Variants in EVC observed in about 807,000 individuals in gnomAD.
EVC encodes evC complex member EVC.
EVC carries 116 observed loss-of-function variants against 118.9 expected under a neutral mutation model. The ratio of observed to expected loss-of-function variants is 0.98; its 90% CI spans 0.84 to 1.14. EVC has a LOEUF of 1.14. Ranked by LOEUF, EVC falls within the 50% of genes most tolerant of loss-of-function variation. The pLI, the probability that EVC is intolerant of heterozygous loss-of-function variation, is 0.00. For missense variants in EVC, 1,401 were observed against 1,246.4 expected, an observed-to-expected ratio of 1.12 and a Z score of -1.87; for synonymous variants, 619 against 534.7, an observed-to-expected ratio of 1.16 and a Z score of -2.18.
At chr4:5,725,300 C>T (rs1725631090) in intron 2 of EVC, among the ~76,000 whole-genome samples, 1 of 152,234 alleles carries the variant, frequency 6.6e-6, no homozygotes, top group Non-Finnish European at 1.5e-5. Context: ...AATCGCCACA[C>T]TGTCTTCCAC....
chr4:5,778,496 A>T (rs1735071108), intron 11 of EVC, among the ~76,000 whole-genome samples: 1 of 151,788 alleles, frequency 6.6e-6, no homozygotes, highest in African/African-American at 2.4e-5. Context: ...CCTCTCCAGC[A>T]CCTGTTGTTT....
intron 11 of EVC, among the ~76,000 whole-genome samples, chr4:5,762,730 C>T (rs1169164442): frequency 2.5e-5 from 3 of 121,962 alleles, no homozygotes; most frequent in Non-Finnish European, 5.1e-5. Context: ...ATGTCCTTTG[C>T]CCACTTTTTG....
chr4:5,784,122 C>T (rs988193988), intron 12 of EVC, among the ~76,000 whole-genome samples: 1 of 152,130 alleles, frequency 6.6e-6, no homozygotes, highest in Non-Finnish European at 1.5e-5. Flanking sequence ...TCCTGTTTTT[C>T]AGTGAGTCTG....
intron 3 of EVC, among the ~76,000 whole-genome samples, chr4:5,730,266 G>A (rs1340077634): frequency 6.6e-6 from 1 of 152,182 alleles, no homozygotes; most frequent in African/African-American, 2.4e-5. Context: ...CAACATGTTA[G>A]GATCTTGTCA....
the EVC span, among the ~76,000 whole-genome samples, chr4:5,823,179 T>C: frequency 6.6e-6 from 1 of 152,210 alleles, no homozygotes; most frequent in Non-Finnish European, 1.5e-5. Context: ...TGGCCTCATT[T>C]CCTTTTCTGC....
At chr4:5,807,945 C>T in intron 17 of EVC, among the ~76,000 whole-genome samples, 1 of 152,212 alleles carries the variant, frequency 6.6e-6, no homozygotes, top group South Asian at 2.1e-4. Context: ...TCATGAAGCT[C>T]CTCCGAAGAT....
Position 5,798,961 on chromosome 4 carries a change from C to T in EVC, c.2304+169C>T, listed in dbSNP as rs955649841. 3.3e-5 allele frequency among the ~76,000 whole-genome samples: 5 copies of T among 152,210 alleles called. No homozygotes were observed. The highest frequency in any genetic ancestry group is 7.3e-5 in the Non-Finnish European group (5 of 68,038). ...TCATCTGTAAGGTGGGATCTTCTCC[C>T]TCGCAGAATGGGGAGGGGCAGTCGC... On this transcript the variant is annotated intron_variant, in intron 15 of 20. Transcript: ENST00000264956. The surrounding 1 kb of genome is among the most constrained non-coding windows in gnomAD (Gnocchi z 4.1).
chr4:5,730,549 C>G (rs1473592499), intron 3 of EVC, among the ~76,000 whole-genome samples: 1 of 151,988 alleles, frequency 6.6e-6, no homozygotes, highest in Non-Finnish European at 1.5e-5. Flanking sequence ...GGGGATCACG[C>G]CATAGTCAGC....
intron 19 of EVC, among the ~76,000 whole-genome samples, chr4:5,810,074 T>C (rs1394412647): frequency 6.6e-6 from 1 of 152,026 alleles, no homozygotes; most frequent in South Asian, 2.1e-4. Flanking sequence ...CTGGGTAGAG[T>C]GGATACCCAG....
chr4:5,735,755 G>GC (rs143280226), intron 5 of EVC, among the ~76,000 whole-genome samples: 6,286 of 152,242 alleles, frequency 0.041, 174 homozygotes, highest in Middle Eastern at 0.071. Flanking sequence ...TGAGTGAAAG[G>GC]CCCCTGCATG....
At chr4:5,805,368 T>C (rs1026564899) in intron 17 of EVC, among the ~76,000 whole-genome samples, 9 of 152,148 alleles carry the variant, frequency 5.9e-5, no homozygotes, top group African/African-American at 2.2e-4. Flanking sequence ...TCTCCTGGCT[T>C]CTCTGTGCCT....
At chr4:5,788,146 T>G (rs1335914417) in intron 12 of EVC, among the ~76,000 whole-genome samples, 1 of 152,144 alleles carries the variant, frequency 6.6e-6, no homozygotes, top group Non-Finnish European at 1.5e-5. Flanking sequence ...CCACCTGTAT[T>G]AGTTTTCTAA....
In EVC at chr4:5,766,370, C is replaced by G. The variant is rs377745226; in HGVS notation, c.1563+10008C>G. ...TTCATTTCAACTTTGGTGAATCTGA[C>G]AATTATGTGTCTTGGAGTTGCTCTT... On this transcript the variant is annotated intron_variant, in intron 11 of 20. Coordinates refer to ENST00000264956, the MANE Select transcript of EVC (RefSeq NM_153717.3). Among the ~76,000 whole-genome samples the G allele has an allele frequency of 4.3e-5, 6 of 140,868 alleles. No individual in the cohort carries two copies. In the East Asian group the frequency reaches 1.3e-3, roughly 30 times the overall value. 92.4% of individuals were successfully genotyped at this position (140,868 alleles called of 152,430 possible).
In EVC at chr4:5,731,533, A is replaced by C. The variant is rs1259803475; in HGVS notation, c.493A>C (p.Ser165Arg). ...ASPSSSLGSL[S>R]QGEKDDCSSS... ...TCCTTCCAGCAGTCTGGGGAGCCTG[A>C]GCCAGGGTGAGAAGGACGACTGCAG... Residue 165 changes from serine to arginine, a missense_variant, in exon 4 of 21, where the codon AGC (serine) becomes CGC (arginine). Physicochemically the swap from Ser to Arg is moderately radical, Grantham distance 110. Transcript: ENST00000264956. This position sits in a 1 kb window ranked among gnomAD's most constrained non-coding sequence, Gnocchi z 5.6. 5.0e-6 allele frequency: 8 copies of C among 1,614,084 alleles called. No individual in the cohort carries two copies. The highest frequency in any genetic ancestry group is 6.8e-6 in the Non-Finnish European group (8 of 1,180,000).
At chr4:5,788,612 G>C (rs760891243) in intron 12 of EVC, among the ~76,000 whole-genome samples, 1 of 152,098 alleles carries the variant, frequency 6.6e-6, no homozygotes, top group Non-Finnish European at 1.5e-5. Flanking sequence ...GGTCATCCTC[G>C]ACTCCTCTTT....
At chr4:5,753,736 T>C (rs1730747869) in intron 9 of EVC, 49 bp from the exon 10 acceptor site, 1 of 1,613,528 alleles carries the variant, frequency 6.2e-7, no homozygotes, top group South Asian at 1.1e-5. Context: ...CCCACTGAAA[T>C]TCTGGCTCAC....
At chr4:5,717,556 A>C (rs1333982981) in intron 1 of EVC, among the ~76,000 whole-genome samples, 1 of 152,106 alleles carries the variant, frequency 6.6e-6, no homozygotes, top group African/African-American at 2.4e-5. Flanking sequence ...GGACCCTTGT[A>C]CTGGTCTGCT....
At chr4:5,718,871 T>C (rs1252197649) in intron 1 of EVC, among the ~76,000 whole-genome samples, 1 of 152,228 alleles carries the variant, frequency 6.6e-6, no homozygotes, top group Non-Finnish European at 1.5e-5. Flanking sequence ...ATTATATGCA[T>C]GTGCCATTTC....
intron 11 of EVC, among the ~76,000 whole-genome samples, chr4:5,761,089 C>T (rs1040816953): frequency 1.3e-5 from 2 of 152,162 alleles, no homozygotes; most frequent in Non-Finnish European, 2.9e-5. Flanking sequence ...CCTGGCTGGG[C>T]GTCCTTGGGC....
Sources: allele counts gnomAD v4.1 joint callset (sites outside exome capture counted in the v4.1 genomes callset), GRCh38; gene constraint gnomAD v4.1.1; non-coding constraint Gnocchi (gnomAD v3.1); transcripts MANE v1.5; gene names NCBI Gene and HGNC (gene_info 2026-07-23, HGNC 2026-07-21).